Variants in KCNIP1 observed in about 807,000 individuals in gnomAD.
KCNIP1 encodes potassium voltage-gated channel interacting protein 1.
KCNIP1 carries 18 observed loss-of-function variants against 33.0 expected under a neutral mutation model. The observed-to-expected ratio is 0.55, with a 90% CI of 0.38 to 0.81. KCNIP1 has a LOEUF of 0.81. KCNIP1 is among the 30% of genes least tolerant of loss of function. KCNIP1 has a pLI of 0.00. For missense variants in KCNIP1, 238 were observed against 271.6 expected (o/e 0.88, Z 0.87); for synonymous variants, 93 against 98.3 (o/e 0.95, Z 0.32).
chr5:170,378,459 G>C (rs763007438), intron 1 of KCNIP1: 2 of 512,254 alleles, frequency 3.9e-6, no homozygotes, highest in Non-Finnish European at 6.9e-6. Context: ...ACAGGTAATA[G>C]AGAGCTAGAA....
chr5:170,602,166 C>A (rs1036090106), intron 1 of KCNIP1, among the ~76,000 whole-genome samples: 1 of 152,206 alleles, frequency 6.6e-6, no homozygotes, highest in African/African-American at 2.4e-5. Context: ...CATGGCCATC[C>A]TTTGCTTTGG....
At chr5:170,724,065 T>G (rs1484522300) in intron 5 of KCNIP1, among the ~76,000 whole-genome samples, 1 of 152,178 alleles carries the variant, frequency 6.6e-6, no homozygotes, top group Non-Finnish European at 1.5e-5. Flanking sequence ...ATGAACATGT[T>G]TTTTGAAAGA....
At chr5:170,386,931 A>G (rs1764498787) in intron 1 of KCNIP1, among the ~76,000 whole-genome samples, 1 of 151,970 alleles carries the variant, frequency 6.6e-6, no homozygotes, top group South Asian at 2.1e-4. Flanking sequence ...CTCCCCTGCT[A>G]GGCTCCTGAT....
At chr5:170,608,446 T>C (rs536982310) in intron 1 of KCNIP1, among the ~76,000 whole-genome samples, 7 of 152,332 alleles carry the variant, frequency 4.6e-5, no homozygotes, top group African/African-American at 1.7e-4. Flanking sequence ...GAACCACGTC[T>C]ACCTGACTGA....
chr5:170,687,517 A>G (rs978629035), intron 1 of KCNIP1, among the ~76,000 whole-genome samples: 3 of 152,236 alleles, frequency 2.0e-5, no homozygotes, highest in Non-Finnish European at 4.4e-5. Flanking sequence ...AAATTATACT[A>G]CTAACATAGC....
chr5:170,684,233 T>C (rs767067809), intron 1 of KCNIP1, among the ~76,000 whole-genome samples: 19 of 152,228 alleles, frequency 1.2e-4, no homozygotes, highest in Non-Finnish European at 2.5e-4. Context: ...GATAGTTGTA[T>C]TAATTTCTGA....
At chr5:170,493,229 G>A (rs1757243876) in intron 1 of KCNIP1, among the ~76,000 whole-genome samples, 1 of 152,136 alleles carries the variant, frequency 6.6e-6, no homozygotes, top group Non-Finnish European at 1.5e-5. Context: ...CTGAACTGAG[G>A]ACACTCAGGG....
At position 170,382,707 on chromosome 5, in the gene KCNIP1, G is replaced by T. The variant is rs533844029; in HGVS notation, c.88+28743G>T. The T allele has an allele frequency of 5.4e-5, 8 of 149,504 alleles. No homozygotes were observed. The East Asian group carries it at 1.6e-3, about 29-fold the overall frequency. The allele number at this position is 149,504 out of a possible 1,614,324, so 9.3% of individuals were successfully genotyped here. A position where few individuals can be genotyped will look rare whatever the true frequency, so the allele number is the denominator to read the frequency against. The stretch of plus-strand genomic sequence containing the variant: ...GAGTTTCACTCTTGTTGCCAGGCTG[G>T]AGTGCAATGGTGCAATCTCACCAAG... On this transcript the variant is annotated intron_variant, in intron 1 of 7. Coordinates refer to the KCNIP1 transcript ENST00000377360.
At chr5:170,366,768 G>C (rs533497498) in intron 1 of KCNIP1, among the ~76,000 whole-genome samples, 1 of 152,316 alleles carries the variant, frequency 6.6e-6, no homozygotes, top group East Asian at 1.9e-4. Context: ...GGGTAGCCTG[G>C]CCCCTCCTGG....
chr5:170,410,845 A>T (rs117362739), intron 1 of KCNIP1, among the ~76,000 whole-genome samples: 1 of 152,336 alleles, frequency 6.6e-6, no homozygotes, highest in East Asian at 1.9e-4. Context: ...GTGCACAAAG[A>T]TGCCTAGGAG....
intron 1 of KCNIP1, among the ~76,000 whole-genome samples, chr5:170,625,568 T>C (rs1759790167): frequency 6.6e-6 from 1 of 152,188 alleles, no homozygotes; most frequent in Admixed American, 6.5e-5. Flanking sequence ...CCAATTTCCT[T>C]GGAAATTTCT....
intron 1 of KCNIP1, among the ~76,000 whole-genome samples, chr5:170,495,697 C>T (rs987469494): frequency 1.3e-5 from 2 of 152,214 alleles, no homozygotes; most frequent in Non-Finnish European, 2.9e-5. Flanking sequence ...CAAGATGTGA[C>T]CATTGTTTCC....
intron 1 of KCNIP1, among the ~76,000 whole-genome samples, chr5:170,358,336 C>T (rs1413849890): frequency 6.6e-6 from 1 of 152,148 alleles, no homozygotes; most frequent in African/African-American, 2.4e-5. Flanking sequence ...CCGTAACTCT[C>T]CCCTCCCGCC....
At chr5:170,643,008 G>T (rs990498989) in intron 1 of KCNIP1, among the ~76,000 whole-genome samples, 4 of 152,220 alleles carry the variant, frequency 2.6e-5, no homozygotes, top group African/African-American at 9.6e-5. Flanking sequence ...AGATGACAAA[G>T]GGCCTTTGCA....
chr5:170,690,073 C>T (rs566379760), intron 1 of KCNIP1, among the ~76,000 whole-genome samples: 1 of 152,334 alleles, frequency 6.6e-6, no homozygotes, highest in South Asian at 2.1e-4. Context: ...GCTCTACTCA[C>T]ACACATCCCT....
intron 1 of KCNIP1, among the ~76,000 whole-genome samples, chr5:170,589,903 G>A (rs1758178673): frequency 6.6e-6 from 1 of 152,160 alleles, no homozygotes; most frequent in African/African-American, 2.4e-5. Context: ...ACCAGACTCT[G>A]CAGTCAGTCA....
intron 1 of KCNIP1, among the ~76,000 whole-genome samples, chr5:170,484,632 T>A (rs1757045250): frequency 6.6e-6 from 1 of 151,924 alleles, no homozygotes; most frequent in Non-Finnish European, 1.5e-5. Flanking sequence ...ATTCTCTTTC[T>A]CTTCTCCTCT....
At chr5:170,387,648 A>G (rs1764532440) in intron 1 of KCNIP1, among the ~76,000 whole-genome samples, 2 of 152,320 alleles carry the variant, frequency 1.3e-5, no homozygotes, top group South Asian at 4.1e-4. Context: ...CCCCCGACAA[A>G]GAGAGATGTT....
chr5:170,358,915 G>A (rs958905962), intron 1 of KCNIP1, among the ~76,000 whole-genome samples: 8 of 152,144 alleles, frequency 5.3e-5, no homozygotes, highest in African/African-American at 1.7e-4. Flanking sequence ...GAGAAGTCAC[G>A]CCTGCCTGCA....
Sources: allele counts gnomAD v4.1 joint callset (sites outside exome capture counted in the v4.1 genomes callset), GRCh38; gene constraint gnomAD v4.1.1; transcripts MANE v1.5; gene names NCBI Gene and HGNC (gene_info 2026-07-23, HGNC 2026-07-21).